RGS7BP: variants seen among roughly 807,000 people sequenced by gnomAD.
The protein encoded by RGS7BP is regulator of G protein signaling 7 binding protein, also known as regulator of G protein signaling 7-binding protein.
RGS7BP carries 9 observed loss-of-function variants against 31.3 expected under a neutral mutation model. The observed-to-expected ratio is 0.29, with a 90% CI of 0.17 to 0.50. RGS7BP has a LOEUF of 0.50. Ranked by LOEUF, RGS7BP falls within the 20% of genes least tolerant of loss-of-function variation. The probability of loss-of-function intolerance (pLI) is 0.98; values close to 1 mark genes in which losing one functional copy is unlikely to be tolerated. For missense variants in RGS7BP, 274 were observed against 322.0 expected, an observed-to-expected ratio of 0.85 and a Z score of 1.14; for synonymous variants, 115 against 120.1, an observed-to-expected ratio of 0.96 and a Z score of 0.28.
intron 4 of RGS7BP, among the ~76,000 whole-genome samples, chr5:64,596,743 G>C (rs943147522): frequency 1.3e-5 from 2 of 152,096 alleles, no homozygotes; most frequent in Non-Finnish European, 2.9e-5. Flanking sequence ...GATCCTCAAG[G>C]CTGCTTTCCC....
chr5:64,559,905 C>T (rs1427439530), intron 2 of RGS7BP, among the ~76,000 whole-genome samples: 2 of 152,116 alleles, frequency 1.3e-5, no homozygotes, highest in Non-Finnish European at 2.9e-5. Context: ...AAAGGCCCTC[C>T]TCAAACTAGT....
intron 3 of RGS7BP, among the ~76,000 whole-genome samples, chr5:64,593,756 G>A (rs541390832): frequency 5.9e-5 from 9 of 152,242 alleles, no homozygotes; most frequent in Non-Finnish European, 8.8e-5. Flanking sequence ...TGACACTCAA[G>A]ATATATTTGT....
At chr5:64,558,587 A>G (rs900252145) in intron 2 of RGS7BP, among the ~76,000 whole-genome samples, 3 of 152,136 alleles carry the variant, frequency 2.0e-5, no homozygotes, top group Admixed American at 6.5e-5. Context: ...GTGTTTTTGA[A>G]CAATATGAAA....
intron 2 of RGS7BP, among the ~76,000 whole-genome samples, chr5:64,522,176 G>T (rs546551684): frequency 6.6e-6 from 1 of 152,286 alleles, no homozygotes; most frequent in African/African-American, 2.4e-5. Flanking sequence ...GCAATGTGTA[G>T]TTCCAATGAG....
intron 3 of RGS7BP, among the ~76,000 whole-genome samples, chr5:64,577,222 A>G (rs1742457736): frequency 6.6e-6 from 1 of 152,026 alleles, no homozygotes; most frequent in African/African-American, 2.4e-5. Context: ...GCAGATCACG[A>G]GGTCAGGAGA....
intron 2 of RGS7BP, among the ~76,000 whole-genome samples, chr5:64,510,836 CT>C (rs1344617059): frequency 6.6e-6 from 1 of 152,196 alleles, no homozygotes; most frequent in Non-Finnish European, 1.5e-5. Context: ...AAAAGTAATA[CT>C]TGGCTCCCCA....
chr5:64,585,066 C>T (rs941612050), intron 3 of RGS7BP, among the ~76,000 whole-genome samples: 4 of 152,118 alleles, frequency 2.6e-5, no homozygotes, highest in Non-Finnish European at 5.9e-5. Context: ...ATTAGTATAA[C>T]TGTTTGGATT....
In RGS7BP at chr5:64,588,966, G is replaced by C. The variant is rs113538801; in HGVS notation, c.464-5744G>C. On this transcript the variant is annotated intron_variant, in intron 3 of 5. Coordinates refer to ENST00000334025, the MANE Select transcript of RGS7BP (RefSeq NM_001029875.3). ...AAATATCTAAAGTTAAAATATTAGA[G>C]TATCTCAATGAATCGCTTTGTAGAT... Among the ~76,000 whole-genome samples, 1,384 of 152,212 alleles carry C rather than the reference G, an allele frequency of 9.1e-3. 17 individuals are homozygous for C. Among genetic ancestry groups the C allele is most frequent in the African/African-American group, 0.032 (1,317 of 41,536 alleles).
intron 3 of RGS7BP, among the ~76,000 whole-genome samples, chr5:64,587,129 T>C (rs1253585656): frequency 6.6e-6 from 1 of 152,108 alleles, no homozygotes; most frequent in African/African-American, 2.4e-5. Flanking sequence ...AGGAGGACTT[T>C]TAGGGGCCAG....
rs188163314 is a variant in RGS7BP, at chr5:64,518,421, G to A, written c.332+10544G>A. Among the ~76,000 whole-genome samples the A allele has an allele frequency of 1.9e-4, 29 of 152,220 alleles. No homozygotes were observed. In the East Asian group the frequency reaches 3.9e-3, roughly 20 times the overall value. The stretch of plus-strand genomic sequence containing the variant: ...CAAACAAAAGAGAGTATTTCAGATA[G>A]TGATAAATGCAGTGAGGAAAATAAA... On this transcript the variant is annotated intron_variant, in intron 2 of 5. Coordinates refer to ENST00000334025, the MANE Select transcript of RGS7BP (RefSeq NM_001029875.3).
At chr5:64,528,649 T>C (rs894972076) in intron 2 of RGS7BP, among the ~76,000 whole-genome samples, 22 of 151,408 alleles carry the variant, frequency 1.5e-4, no homozygotes, top group Admixed American at 8.6e-4. Context: ...CCGTCTTTAC[T>C]AAAATACAAA....
At position 64,610,629 on chromosome 5, in the gene RGS7BP, G is replaced by A. The variant is rs950626063; in HGVS notation, c.*1377G>A. 6.6e-6 allele frequency: 1 copy of A among 151,880 alleles called. No individual in the cohort carries two copies. Among genetic ancestry groups the A allele is most frequent in the Non-Finnish European group, 1.5e-5 (1 of 67,914 alleles). 9.4% of individuals were successfully genotyped at this position (151,880 alleles called of 1,614,324 possible). ...CCCTGTTCTTTACCAATACTTATGT[G>A]CACAGGCATTTATATGTATACCAAT... On this transcript the variant is annotated 3_prime_UTR_variant, in exon 6 of 6. Transcript: ENST00000334025.
intron 5 of RGS7BP, among the ~76,000 whole-genome samples, chr5:64,603,514 CA>C (rs1743275063): frequency 1.3e-5 from 2 of 152,100 alleles, no homozygotes; most frequent in East Asian, 3.9e-4. Context: ...CCTGGAATAC[CA>C]AAATGGAAGG....
intron 2 of RGS7BP, among the ~76,000 whole-genome samples, chr5:64,540,865 A>G (rs144290123): frequency 1.4e-3 from 216 of 152,280 alleles, no homozygotes; most frequent in African/African-American, 4.7e-3. Context: ...GGCCAAGGGG[A>G]AGCCCCTGAG....
At chr5:64,586,729 T>A (rs1232850746) in intron 3 of RGS7BP, among the ~76,000 whole-genome samples, 1 of 152,246 alleles carries the variant, frequency 6.6e-6, no homozygotes, top group Non-Finnish European at 1.5e-5. Context: ...GAGTAAAGTT[T>A]CAATTAATGG....
Position 64,611,805 on chromosome 5 carries a change from GA to G in RGS7BP, c.*2554del. On this transcript the variant is annotated 3_prime_UTR_variant, in exon 6 of 6. Coordinates refer to ENST00000334025, the MANE Select transcript of RGS7BP (RefSeq NM_001029875.3). The stretch of plus-strand genomic sequence containing the variant: ...GTAGGTAATTCACCGTCTCACATTA[GA>G]CAGGCCAATGCATCCCTTAGGAGCT... 1 of 152,132 alleles carries G rather than the reference GA, an allele frequency of 6.6e-6. No individual in the cohort carries two copies. The highest frequency in any genetic ancestry group is 2.0e-4 in the East Asian group (1 of 5,110). The allele number at this position is 152,132 out of a possible 1,614,324, so 9.4% of individuals were successfully genotyped here. A position where few individuals can be genotyped will look rare whatever the true frequency, so the allele number is the denominator to read the frequency against.
chr5:64,544,675 TAAG>T (rs143321926), intron 2 of RGS7BP, among the ~76,000 whole-genome samples: 11,997 of 151,358 alleles, frequency 0.079, 600 homozygotes, highest in African/African-American at 0.13. Flanking sequence ...CCCTGTCTCT[TAAG>T]AAGAAGAAGA....
chr5:64,529,856 G>A (rs1032105225), intron 2 of RGS7BP, among the ~76,000 whole-genome samples: 18 of 152,116 alleles, frequency 1.2e-4, no homozygotes, highest in African/African-American at 3.9e-4. Context: ...CCTTCCTTTA[G>A]TTGTGTTCCT....
At chr5:64,547,600 G>T (rs187302349) in intron 2 of RGS7BP, among the ~76,000 whole-genome samples, 161 of 152,198 alleles carry the variant, frequency 1.1e-3, no homozygotes, top group African/African-American at 3.6e-3. Flanking sequence ...TGAGAAATAA[G>T]TAATTTAATT....
Sources: gnomAD v4.1 joint callset for allele counts (sites outside exome capture counted in the v4.1 genomes callset) on GRCh38, gnomAD v4.1.1 for gene constraint, MANE v1.5 for transcripts, NCBI Gene and HGNC (gene_info 2026-07-23, HGNC 2026-07-21) for gene names.